Variants in KIF13A observed in about 807,000 individuals in gnomAD.
KIF13A encodes kinesin family member 13A.
In KIF13A, 79 loss-of-function variants were observed where a neutral mutation model predicts 212.2. The observed-to-expected ratio is 0.37, with a 90% CI of 0.31 to 0.45. The LOEUF (loss-of-function observed/expected upper bound fraction) is 0.45, where lower values mean the gene tolerates loss of function less well. Among genes scored for constraint, KIF13A ranks in the 20% least tolerant of loss-of-function variants. KIF13A has a pLI of 1.00. For synonymous variants in KIF13A, 789 were observed against 808.6 expected (o/e 0.98, Z 0.41); for missense variants, 1,901 against 2,209.0 (o/e 0.86, Z 2.79).
chr6:17,801,621 CA>C (rs1762480902), intron 20 of KIF13A, among the ~76,000 whole-genome samples: 1 of 152,184 alleles, frequency 6.6e-6, no homozygotes, highest in Non-Finnish European at 1.5e-5. Flanking sequence ...TCCACTAACA[CA>C]TATTTACCAA....
rs1779803421 is a variant in KIF13A, at chr6:17,971,477, A to T, written c.146+15577T>A. On this transcript the variant is annotated intron_variant, in intron 2 of 38. Coordinates refer to ENST00000259711, the MANE Select transcript of KIF13A (RefSeq NM_022113.6). This position sits in a 1 kb window ranked among gnomAD's most constrained non-coding sequence, Gnocchi z 4.2. ...CACTCTGTCGCCCAGGCTGGAGTGC[A>T]GTGGTGTAATCATGGCTCACTGCAG... 1.3e-5 allele frequency among the ~76,000 whole-genome samples: 2 copies of T among 151,904 alleles called. No homozygotes were observed. The highest frequency in any genetic ancestry group is 4.1e-4 in the South Asian group (2 of 4,828).
chr6:17,781,359 A>G, intron 29 of KIF13A, 58 bp from the exon 30 acceptor site: 1 of 1,490,228 alleles, frequency 6.7e-7, no homozygotes. Context: ...TTAAGCAAAC[A>G]CCAAAAATTT....
chr6:17,987,202 CG>C lies in KIF13A; in HGVS notation c.56-59del. 1 of 1,389,796 alleles carries C rather than the reference CG, an allele frequency of 7.2e-7. No individual in the cohort carries two copies. The highest frequency in any genetic ancestry group is 9.9e-7 in the Non-Finnish European group (1 of 1,011,474). 86.1% of individuals were successfully genotyped at this position (1,389,796 alleles called of 1,614,324 possible). ...CCAGCATCCGCGCCTCCAGCCCGCC[CG>C]CCCGCCAGCCGCGCCGAGCGGGGCT... On this transcript the variant is annotated intron_variant, in intron 1 of 38. Transcript: ENST00000259711. The surrounding 1 kb of genome is among the most constrained non-coding windows in gnomAD (Gnocchi z 7.7).
chr6:17,966,085 T>C (rs1311240856), intron 2 of KIF13A, among the ~76,000 whole-genome samples: 5 of 152,074 alleles, frequency 3.3e-5, no homozygotes, highest in African/African-American at 1.2e-4. Context: ...TTCCAGCTAG[T>C]GAGGAGGTTG....
intron 3 of KIF13A, among the ~76,000 whole-genome samples, chr6:17,894,439 T>C (rs1177118266): frequency 6.6e-6 from 1 of 152,228 alleles, no homozygotes; most frequent in African/African-American, 2.4e-5. Context: ...CTTACTGATA[T>C]GATCACATAG....
At chr6:17,964,633 C>T (rs1224044321) in intron 2 of KIF13A, among the ~76,000 whole-genome samples, 1 of 152,092 alleles carries the variant, frequency 6.6e-6, no homozygotes, top group Non-Finnish European at 1.5e-5. Context: ...TGCACCAATG[C>T]TGCTTTCTCG....
chr6:17,943,901 T>C (rs1014791221), intron 2 of KIF13A, among the ~76,000 whole-genome samples: 2 of 152,174 alleles, frequency 1.3e-5, no homozygotes, highest in East Asian at 3.9e-4. Flanking sequence ...AGTGAACTGG[T>C]TAAATGGAGA....
rs945866497 is a variant in KIF13A at position 17,897,675 on chromosome 6, G to A, written c.159+493C>T. Among the ~76,000 whole-genome samples, 54 of 152,192 alleles carry A rather than the reference G, an allele frequency of 3.5e-4. No homozygotes were observed. The highest frequency in any genetic ancestry group is 1.3e-3 in the African/African-American group (52 of 41,446). ...GAATGTTGAATCTCTATTTAAAAGT[G>A]TGAAGAACTTTTCCAATGATAACAA... On this transcript the variant is annotated intron_variant, in intron 3 of 38. Coordinates refer to ENST00000259711, the MANE Select transcript of KIF13A (RefSeq NM_022113.6). The surrounding 1 kb of genome is among the most constrained non-coding windows in gnomAD (Gnocchi z 4.8).
At position 17,836,880 on chromosome 6, in the gene KIF13A, C is replaced by G; in HGVS notation, c.1153G>C (p.Glu385Gln). 25 of 1,613,716 alleles carry G rather than the reference C, an allele frequency of 1.5e-5. No homozygotes were observed. Among genetic ancestry groups the G allele is most frequent in the Non-Finnish European group, 2.0e-5 (24 of 1,179,676 alleles). ...EKLREQLSQA[E>Q]AMKAPELKEK... ...AGGGAGTACCAGGCTGCTTTTACCT[C>G]TGCCTGAGAGAGCTGCTCTCTCAGT... Residue 385 changes from glutamate to glutamine, a missense_variant and splice_region_variant, in exon 11 of 39, where the codon GAG becomes CAG. Glu to Gln is a conservative substitution (Grantham distance 29). Coordinates refer to ENST00000259711, the MANE Select transcript of KIF13A (RefSeq NM_022113.6).
intron 35 of KIF13A, 129 bp downstream of exon 35, chr6:17,774,886 T>G: frequency 3.3e-6 from 2 of 605,304 alleles, no homozygotes; most frequent in Non-Finnish European, 2.8e-6. Context: ...CCAGAGATTT[T>G]TCTTTTTCTT....
Position 17,829,170 on chromosome 6 carries a change from C to T in KIF13A, c.1402-800G>A, listed in dbSNP as rs1329316525. 6.6e-6 allele frequency among the ~76,000 whole-genome samples: 1 copy of T among 152,212 alleles called. No individual in the cohort carries two copies. Among genetic ancestry groups the T allele is most frequent in the Non-Finnish European group, 1.5e-5 (1 of 68,042 alleles). ...CCATGTTCGCCAGCCTGGTCTTGAA[C>T]TCCTGGCCTCAAGTGATCCGCCCGC... On this transcript the variant is annotated intron_variant, in intron 13 of 38. Coordinates refer to ENST00000259711, the MANE Select transcript of KIF13A (RefSeq NM_022113.6). This position sits in a 1 kb window ranked among gnomAD's most constrained non-coding sequence, Gnocchi z 5.4.
Position 17,787,718 on chromosome 6 carries a change from CTGCCATTG to C in KIF13A, c.3361+50_3361+57del. The C allele has an allele frequency of 1.0e-6, 1 of 961,258 alleles. No homozygotes were observed. Among genetic ancestry groups the C allele is most frequent in the East Asian group, 2.4e-5 (1 of 41,926 alleles). 59.5% of individuals were successfully genotyped at this position (961,258 alleles called of 1,614,324 possible). On this transcript the variant is annotated intron_variant, in intron 27 of 38. Coordinates refer to ENST00000259711, the MANE Select transcript of KIF13A (RefSeq NM_022113.6). The surrounding 1 kb of genome is among the most constrained non-coding windows in gnomAD (Gnocchi z 4.6). ...CCAGTTAGGGGAAGAAAACGACCTA[CTGCCATTG>C]TGTAAAAGTGAAAAAGCTACTCCCC...
chr6:17,805,897 T>C lies in KIF13A; in HGVS notation c.2164-282A>G, dbSNP rs145411474. 9.3e-5 allele frequency among the ~76,000 whole-genome samples: 14 copies of C among 150,720 alleles called. No individual in the cohort carries two copies. The South Asian group carries it at 1.5e-3, about 16-fold the overall frequency. ...TGATATTGTGATCATTTTTCTTGTATTGTTAAATATTCTTCATAAGCACGA... is the reference window on the plus strand; with the variant it reads ...TGATATTGTGATCATTTTTCTTGTACTGTTAAATATTCTTCATAAGCACGA... On this transcript the variant is annotated intron_variant, in intron 18 of 38. Coordinates refer to ENST00000259711, the MANE Select transcript of KIF13A (RefSeq NM_022113.6).
In KIF13A at chr6:17,768,902, G is replaced by A. The variant is rs1002363056; in HGVS notation, c.4581+2212C>T. 6.0e-5 allele frequency among the ~76,000 whole-genome samples: 9 copies of A among 150,124 alleles called. No homozygotes were observed. The highest frequency in any genetic ancestry group is 3.3e-4 in the Admixed American group (5 of 15,142). Reference sequence around the variant, plus strand: ...TTCTGTCTTAGTCATGAGACATGAAGTACATCTGTATGTCTTCCCAAATTG... The same window carrying A: ...TTCTGTCTTAGTCATGAGACATGAAATACATCTGTATGTCTTCCCAAATTG... On this transcript the variant is annotated intron_variant, in intron 38 of 38. Coordinates refer to ENST00000259711, the MANE Select transcript of KIF13A (RefSeq NM_022113.6). This position sits in a 1 kb window ranked among gnomAD's most constrained non-coding sequence, Gnocchi z 5.4.
rs1012645920 is a variant in KIF13A, at chr6:17,829,763, T to C, written c.1401+1338A>G. 4.6e-5 allele frequency among the ~76,000 whole-genome samples: 7 copies of C among 152,128 alleles called. No individual in the cohort carries two copies. The highest frequency in any genetic ancestry group is 1.4e-4 in the African/African-American group (6 of 41,426). On this transcript the variant is annotated intron_variant, in intron 13 of 38. Transcript: ENST00000259711. The surrounding 1 kb of genome is among the most constrained non-coding windows in gnomAD (Gnocchi z 5.4). ...CCTAAATGAACAGATCTTAAGTTTGTTGGGGGACTCTCAATAACTCAGGGG... is the reference window on the plus strand; with the variant it reads ...CCTAAATGAACAGATCTTAAGTTTGCTGGGGGACTCTCAATAACTCAGGGG...
intron 33 of KIF13A, among the ~76,000 whole-genome samples, chr6:17,778,294 G>C (rs754907046): frequency 3.9e-5 from 6 of 152,202 alleles, no homozygotes; most frequent in Non-Finnish European, 7.3e-5. Context: ...GTGTGATGCT[G>C]TTTGTATTTT....
chr6:17,873,266 C>T, intron 4 of KIF13A, 111 bp downstream of exon 4: 1 of 690,848 alleles, frequency 1.4e-6, no homozygotes. Flanking sequence ...TTGGAAAGAA[C>T]AGGTGTGAAT....
intron 2 of KIF13A, among the ~76,000 whole-genome samples, chr6:17,952,135 C>T (rs1777909802): frequency 6.6e-6 from 1 of 151,652 alleles, no homozygotes; most frequent in Non-Finnish European, 1.5e-5. Flanking sequence ...AACCCCGTCT[C>T]TACTAAAAAT....
Position 17,785,379 on chromosome 6 carries a change from G to T in KIF13A, c.3488+136C>A, listed in dbSNP as rs1760961038. 1 of 978,824 alleles carries T rather than the reference G, an allele frequency of 1.0e-6. No individual in the cohort carries two copies. Among genetic ancestry groups the T allele is most frequent in the Non-Finnish European group, 1.4e-6 (1 of 700,094 alleles). The allele number at this position is 978,824 out of a possible 1,614,324, so 60.6% of individuals were successfully genotyped here. A position where few individuals can be genotyped will look rare whatever the true frequency, so the allele number is the denominator to read the frequency against. On this transcript the variant is annotated intron_variant, in intron 28 of 38. Transcript: ENST00000259711. The surrounding 1 kb of genome is among the most constrained non-coding windows in gnomAD (Gnocchi z 5.8). ...GAAAAAAAGGGATGGAAGCATTAGA[G>T]ATGAGTGGACATTCCCTAAGTAGTT... is the stretch of plus-strand genomic sequence containing the variant.
Sources: gnomAD v4.1 joint callset for allele counts (sites outside exome capture counted in the v4.1 genomes callset) on GRCh38, gnomAD v4.1.1 for gene constraint, Gnocchi (gnomAD v3.1) non-coding constraint, MANE v1.5 for transcripts, NCBI Gene and HGNC (gene_info 2026-07-23, HGNC 2026-07-21) for gene names.